PRKN: variants seen among roughly 807,000 people sequenced by gnomAD.
PRKN encodes the protein parkin RBR E3 ubiquitin protein ligase, also known as E3 ubiquitin-protein ligase parkin.
Under a neutral mutation model 59.5 loss-of-function variants are expected in PRKN, and 56 were observed. The ratio of observed to expected loss-of-function variants is 0.94; its 90% confidence interval spans 0.76 to 1.18. The LOEUF is 1.18. Ranked by LOEUF, PRKN falls within the 50% of genes most tolerant of loss-of-function variation. The pLI is 0.00. For synonymous variants in PRKN, 250 were observed against 222.1 expected, an observed-to-expected ratio of 1.13 and a Z score of -1.12; for missense variants, 657 against 596.4, an observed-to-expected ratio of 1.10 and a Z score of -1.06.
intron 7 of PRKN, among the ~76,000 whole-genome samples, chr6:161,736,835 A>C (rs4708929): frequency 0.27 from 40,642 of 151,832 alleles, 5,484 homozygotes; most frequent in Admixed American, 0.33. Flanking sequence ...GTAAGCCCAA[A>C]GTGGGAAGAA....
chr6:162,071,769 A>AT (rs1440654611), intron 4 of PRKN, among the ~76,000 whole-genome samples: 2 of 151,502 alleles, frequency 1.3e-5, no homozygotes, highest in East Asian at 1.9e-4. Flanking sequence ...TAATTTTTGT[A>AT]TTTTTTCAGT....
chr6:162,720,608 G>A (rs866792192), intron 1 of PRKN, among the ~76,000 whole-genome samples: 16 of 151,380 alleles, frequency 1.1e-4, no homozygotes, highest in African/African-American at 1.5e-4. Flanking sequence ...CCGCCACCGC[G>A]CCCGGCTAAT....
rs916142736 is a variant in PRKN at position 161,588,336 on chromosome 6, C to T, written c.872-18920G>A. Among the ~76,000 whole-genome samples, 13 of 151,816 alleles carry T rather than the reference C, an allele frequency of 8.6e-5. No individual in the cohort carries two copies. The highest frequency in any genetic ancestry group is 2.1e-4 in the South Asian group (1 of 4,798). On this transcript the variant is annotated intron_variant, in intron 7 of 11. Coordinates refer to ENST00000366898, the MANE Select transcript of PRKN (RefSeq NM_004562.3). This position sits in a 1 kb window ranked among gnomAD's most constrained non-coding sequence, Gnocchi z 5.0. ...GGCAGGTTGTGGTGAGCCGAAGAGG[C>T]GCCACTGCATTCCAGCCTGGGCAAC...
intron 6 of PRKN, among the ~76,000 whole-genome samples, chr6:161,832,650 A>G (rs1163460877): frequency 2.0e-5 from 3 of 151,266 alleles, no homozygotes; most frequent in Admixed American, 2.0e-4. Flanking sequence ...AAAAAGATCA[A>G]TATCAGTGTA....
At chr6:162,033,911 T>C (rs1232504525) in intron 5 of PRKN, among the ~76,000 whole-genome samples, 2 of 152,206 alleles carry the variant, frequency 1.3e-5, no homozygotes, top group Middle Eastern at 3.4e-3. Context: ...ATGCAAAGTA[T>C]AAGAAAGGTC....
At chr6:162,389,007 GAAA>G (rs71278564) in intron 2 of PRKN, among the ~76,000 whole-genome samples, 7 of 104,164 alleles carry the variant, frequency 6.7e-5, no homozygotes, top group African/African-American at 1.4e-4. Context: ...AGTTCCTCCA[GAAA>G]AAAAAAAAAA....
Position 161,480,331 on chromosome 6 carries a change from C to T in PRKN, c.1083+68523G>A, listed in dbSNP as rs974619984. Among the ~76,000 whole-genome samples the T allele has an allele frequency of 2.6e-5, 4 of 152,004 alleles. No individual in the cohort carries two copies. The highest frequency in any genetic ancestry group is 4.8e-5 in the African/African-American group (2 of 41,378). ...GTATGGGGCCCTGTGAGTATGGGGCCCTGTGAGTATGGGGCCCTGTGTGAC... is the reference window on the plus strand; with the variant it reads ...GTATGGGGCCCTGTGAGTATGGGGCTCTGTGAGTATGGGGCCCTGTGTGAC... On this transcript the variant is annotated intron_variant, in intron 9 of 11. Coordinates refer to ENST00000366898, the MANE Select transcript of PRKN (RefSeq NM_004562.3). This position sits in a 1 kb window ranked among gnomAD's most constrained non-coding sequence, Gnocchi z 4.1.
chr6:162,086,610 C>A (rs1017381284), intron 4 of PRKN, among the ~76,000 whole-genome samples: 5 of 152,120 alleles, frequency 3.3e-5, no homozygotes, highest in African/African-American at 7.2e-5. Context: ...AAAACTAAAT[C>A]CCTGGACAAA....
rs536351784 is a variant in PRKN at position 162,030,504 on chromosome 6, C to T, written c.618+23587G>A. 1.9e-3 allele frequency among the ~76,000 whole-genome samples: 289 copies of T among 152,286 alleles called. 2 individuals carry two copies. Among genetic ancestry groups the T allele is most frequent in the African/African-American group, 6.9e-3 (285 of 41,554 alleles). ...AGGAAGCCCCTTCCTTTCCTGGAAT[C>T]AAGCCTTCTTTTTACCCTTGTACAG... On this transcript the variant is annotated intron_variant, in intron 5 of 11. Coordinates refer to ENST00000366898, the MANE Select transcript of PRKN (RefSeq NM_004562.3).
chr6:162,341,658 C>T (rs1784185065), intron 2 of PRKN, among the ~76,000 whole-genome samples: 1 of 151,766 alleles, frequency 6.6e-6, no homozygotes, highest in African/African-American at 2.4e-5. Flanking sequence ...AACACAGGCA[C>T]AGAAAACCAA....
chr6:161,779,573 T>C (rs1478500135), intron 7 of PRKN, among the ~76,000 whole-genome samples: 1 of 148,524 alleles, frequency 6.7e-6, no homozygotes, highest in Admixed American at 6.8e-5. Context: ...GCCTCCCCAG[T>C]AGCTGGGATT....
rs1309237841 is a variant in PRKN, at chr6:161,458,733, C to T, written c.1084-71856G>A. On this transcript the variant is annotated intron_variant, in intron 9 of 11. Transcript: ENST00000366898. This position sits in a 1 kb window ranked among gnomAD's most constrained non-coding sequence, Gnocchi z 6.1. ...CTTCGTGCTCACCATGACAGTAACT[C>T]CATGTCTGTGGAATTCTGTAGTCTG... 2.6e-5 allele frequency among the ~76,000 whole-genome samples: 4 copies of T among 152,156 alleles called. No individual in the cohort carries two copies. Among genetic ancestry groups the T allele is most frequent in the Non-Finnish European group, 1.5e-5 (1 of 68,038 alleles).
chr6:161,872,991 C>A, intron 6 of PRKN, among the ~76,000 whole-genome samples: 1 of 142,718 alleles, frequency 7.0e-6, no homozygotes, highest in Admixed American at 7.2e-5. Context: ...AACCTAGATG[C>A]GAGCTAGTGT....
At position 161,562,545 on chromosome 6, in the gene PRKN, G is replaced by A. The variant is rs970048802; in HGVS notation, c.933+6810C>T. Among the ~76,000 whole-genome samples the A allele has an allele frequency of 6.6e-6, 1 of 152,014 alleles. No homozygotes were observed. The highest frequency in any genetic ancestry group is 1.9e-4 in the East Asian group (1 of 5,184). On this transcript the variant is annotated intron_variant, in intron 8 of 11. Coordinates refer to ENST00000366898, the MANE Select transcript of PRKN (RefSeq NM_004562.3). This position sits in a 1 kb window ranked among gnomAD's most constrained non-coding sequence, Gnocchi z 4.3. Reference sequence around the variant, plus strand: ...AATTCCAAAGTTATCTCTCCATCTCGGACCTCAGGTCTCACTGTCCTCCAA... The same window carrying A: ...AATTCCAAAGTTATCTCTCCATCTCAGACCTCAGGTCTCACTGTCCTCCAA...
chr6:162,500,322 C>A (rs112178642), intron 1 of PRKN, among the ~76,000 whole-genome samples: 2,679 of 152,168 alleles, frequency 0.018, 74 homozygotes, highest in African/African-American at 0.062. Context: ...CAGGCGCCCG[C>A]CACCACGCCC....
chr6:162,133,218 G>A (rs537590730), intron 4 of PRKN, among the ~76,000 whole-genome samples: 6 of 152,324 alleles, frequency 3.9e-5, no homozygotes, highest in African/African-American at 1.4e-4. Context: ...GCTGCCTGGA[G>A]GCACCATGAG....
Position 161,902,556 on chromosome 6 carries a change from A to ATCTATTTTTTTTTTTTTTTTTTTTT in PRKN, c.734+70745_734+70746insAAAAAAAAAAAAAAAAAAAAATAGA, listed in dbSNP as rs1382089937. Among the ~76,000 whole-genome samples, 10 of 118,198 alleles carry ATCTATTTTTTTTTTTTTTTTTTTTT rather than the reference A, an allele frequency of 8.5e-5. 1 individual carries two copies. Among genetic ancestry groups the ATCTATTTTTTTTTTTTTTTTTTTTT allele is most frequent in the Admixed American group, 8.7e-5 (1 of 11,558 alleles). 77.5% of individuals were successfully genotyped at this position (118,198 alleles called of 152,430 possible). A position where few individuals can be genotyped will look rare whatever the true frequency, so the allele number is the denominator to read the frequency against. On this transcript the variant is annotated intron_variant, in intron 6 of 11. Coordinates refer to ENST00000366898, the MANE Select transcript of PRKN (RefSeq NM_004562.3). ...TATCTATCTATCTATCTATTTATTT[A>ATCTATTTTTTTTTTTTTTTTTTTTT]TTTATTTATTTTTTTTTTTTTGCGA...
intron 10 of PRKN, among the ~76,000 whole-genome samples, chr6:161,368,319 T>G (rs1417810194): frequency 7.0e-6 from 1 of 143,164 alleles, no homozygotes; most frequent in South Asian, 2.2e-4. Flanking sequence ...GTATATATAT[T>G]TATATATATT....
At chr6:162,367,746 C>A (rs1018810213) in intron 2 of PRKN, among the ~76,000 whole-genome samples, 1 of 151,752 alleles carries the variant, frequency 6.6e-6, no homozygotes, top group Non-Finnish European at 1.5e-5. Flanking sequence ...AAATCTGTTA[C>A]AAAATGTTAG....
Sources: allele counts gnomAD v4.1 joint callset (sites outside exome capture counted in the v4.1 genomes callset), GRCh38; gene constraint gnomAD v4.1.1; non-coding constraint Gnocchi (gnomAD v3.1); transcripts MANE v1.5; gene names NCBI Gene and HGNC (gene_info 2026-07-23, HGNC 2026-07-21).